TAMM41: variants seen among roughly 807,000 people sequenced by gnomAD.
TAMM41 encodes TAM41 mitochondrial translocator assembly and maintenance homolog.
TAMM41 carries 36 observed loss-of-function variants against 44.1 expected under a neutral mutation model. The ratio of observed to expected loss-of-function variants is 0.82; its 90% CI spans 0.63 to 1.08. The LOEUF (loss-of-function observed/expected upper bound fraction) is 1.08, where lower values mean the gene tolerates loss of function less well. Among genes scored for constraint, TAMM41 ranks in the 50% least tolerant of loss-of-function variants. The pLI, the probability that TAMM41 is intolerant of heterozygous loss-of-function variation, is 0.00. For missense variants in TAMM41, 417 were observed against 404.3 expected, an observed-to-expected ratio of 1.03 and a Z score of -0.27; for synonymous variants, 164 against 153.1, an observed-to-expected ratio of 1.07 and a Z score of -0.53.
At chr3:11,748,937 G>A in the TAMM41 span, among the ~76,000 whole-genome samples, 852 of 129,806 alleles carry the variant, frequency 6.6e-3, 13 homozygotes, top group African/African-American at 0.025. Context: ...TTTTGAGATG[G>A]AATCTCACTC....
At chr3:11,818,671 C>T (rs559997494) in intron 4 of TAMM41, among the ~76,000 whole-genome samples, 27 of 152,082 alleles carry the variant, frequency 1.8e-4, no homozygotes, top group Admixed American at 4.6e-4. Flanking sequence ...CCGAGGCAGG[C>T]GGATCACGAG....
chr3:11,823,254 GTT>G (rs912198535), intron 4 of TAMM41, among the ~76,000 whole-genome samples: 4 of 126,740 alleles, frequency 3.2e-5, no homozygotes, highest in East Asian at 2.1e-4. Flanking sequence ...TGTTGTTGTT[GTT>G]TTTTTTTTTT....
chr3:11,826,012 G>A (rs184431547), intron 4 of TAMM41, among the ~76,000 whole-genome samples: 48 of 152,248 alleles, frequency 3.2e-4, no homozygotes, highest in African/African-American at 1.1e-3. Flanking sequence ...AAGGAAGTCA[G>A]TGCCTCCTTT....
chr3:11,828,832 T>C (rs774506785), intron 4 of TAMM41, among the ~76,000 whole-genome samples: 1 of 152,228 alleles, frequency 6.6e-6, no homozygotes, highest in Non-Finnish European at 1.5e-5. Flanking sequence ...CTTACCTGTC[T>C]GTACTGGGAT....
intron 7 of TAMM41, among the ~76,000 whole-genome samples, chr3:11,804,627 T>G (rs1287783196): frequency 1.3e-5 from 2 of 152,152 alleles, no homozygotes; most frequent in African/African-American, 4.8e-5. Context: ...AGGAGGATCA[T>G]GGCAAGGGAA....
chr3:11,816,631 T>C (rs1451157235), intron 5 of TAMM41, among the ~76,000 whole-genome samples: 19 of 152,050 alleles, frequency 1.2e-4, no homozygotes, highest in Admixed American at 6.5e-5. Flanking sequence ...CCAGGTGTGG[T>C]GGCATGCACC....
chr3:11,760,194 A>G, the TAMM41 span, among the ~76,000 whole-genome samples: 1 of 152,192 alleles, frequency 6.6e-6, no homozygotes, highest in Non-Finnish European at 1.5e-5. Context: ...GCAATTGCCT[A>G]TGCTTCCCAA....
intron 4 of TAMM41, chr3:11,826,767 C>T (rs1309584087): frequency 6.6e-6 from 1 of 152,098 alleles, no homozygotes; most frequent in Non-Finnish European, 1.5e-5. Context: ...AGATGAGTGA[C>T]CTTAGACAGG....
intron 4 of TAMM41, among the ~76,000 whole-genome samples, chr3:11,819,602 A>C (rs930290180): frequency 3.9e-5 from 6 of 152,200 alleles, no homozygotes; most frequent in African/African-American, 1.4e-4. Flanking sequence ...AAGAGATACA[A>C]AAGTATAACA....
chr3:11,738,342 G>A, the TAMM41 span, among the ~76,000 whole-genome samples: 1 of 152,132 alleles, frequency 6.6e-6, no homozygotes, highest in African/African-American at 2.4e-5. Context: ...GTATCTCTGA[G>A]CCTTAATTTT....
At chr3:11,745,872 G>T in the TAMM41 span, among the ~76,000 whole-genome samples, 4 of 152,152 alleles carry the variant, frequency 2.6e-5, no homozygotes, top group East Asian at 1.9e-4. Flanking sequence ...TTAAACATTA[G>T]TGGTAAACTA....
chr3:11,793,834 G>A (rs557418854), intron 7 of TAMM41, among the ~76,000 whole-genome samples: 1 of 152,310 alleles, frequency 6.6e-6, no homozygotes, highest in African/African-American at 2.4e-5. Context: ...GGCATGAGGG[G>A]TACTGGGGAC....
Position 11,817,343 on chromosome 3 carries a change from TAAAAC to T in TAMM41, c.563-11_563-7del, listed in dbSNP as rs759939723. 2.5e-6 allele frequency: 4 copies of T among 1,604,236 alleles called. No homozygotes were observed. The highest frequency in any genetic ancestry group is 1.7e-5 in the Admixed American group (1 of 59,800). On this transcript the variant is annotated splice_region_variant and splice_polypyrimidine_tract_variant and intron_variant, in intron 4 of 7. Transcript: ENST00000455809. The stretch of plus-strand genomic sequence containing the variant: ...AACCACCATCCGAAAGTCACCTAGT[TAAAAC>T]AAAGAGATAAACACATCTTCCATTA...
intron 2 of TAMM41, among the ~76,000 whole-genome samples, chr3:11,842,556 T>C (rs995713862): frequency 3.3e-5 from 5 of 150,486 alleles, no homozygotes; most frequent in Non-Finnish European, 7.4e-5. Context: ...TAGCCAGGCG[T>C]GGTGGTATGT....
At chr3:11,762,435 C>T in the TAMM41 span, among the ~76,000 whole-genome samples, 2 of 152,086 alleles carry the variant, frequency 1.3e-5, no homozygotes, top group Non-Finnish European at 2.9e-5. Context: ...GACACCAAGT[C>T]CTCTTACCTA....
At chr3:11,836,124 G>C (rs1263349312) in intron 3 of TAMM41, among the ~76,000 whole-genome samples, 1 of 151,780 alleles carries the variant, frequency 6.6e-6, no homozygotes, top group Admixed American at 6.6e-5. Flanking sequence ...CCGAGTAGCT[G>C]GGATTACAGG....
chr3:11,772,967 C>G, the TAMM41 span, among the ~76,000 whole-genome samples: 2 of 151,866 alleles, frequency 1.3e-5, no homozygotes, highest in African/African-American at 2.4e-5. Flanking sequence ...CTTTCTCTCT[C>G]TTTTTTTGGA....
intron 2 of TAMM41, among the ~76,000 whole-genome samples, chr3:11,841,602 T>C (rs2079445952): frequency 6.6e-6 from 1 of 152,218 alleles, no homozygotes; most frequent in South Asian, 2.1e-4. Context: ...TACTGGAACT[T>C]ATAATATTCT....
chr3:11,826,299 C>T (rs1336214993), intron 4 of TAMM41, among the ~76,000 whole-genome samples: 9 of 152,046 alleles, frequency 5.9e-5, no homozygotes, highest in African/African-American at 1.4e-4. Flanking sequence ...TCGGGGAGGC[C>T]GAGGCGGGAG....
Sources: allele counts gnomAD v4.1 joint callset (sites outside exome capture counted in the v4.1 genomes callset), GRCh38; gene constraint gnomAD v4.1.1; transcripts MANE v1.5; gene names NCBI Gene and HGNC (gene_info 2026-07-23, HGNC 2026-07-21).